The following ZFPM1 variants were observed in gnomAD, a reference collection of about 807,000 sequenced individuals.
The protein encoded by ZFPM1 is zinc finger protein, FOG family member 1, also known as zinc finger protein ZFPM1.
In ZFPM1, 28 loss-of-function variants were observed where a neutral mutation model predicts 46.3. That is an observed-to-expected ratio of 0.60 (90% CI 0.45 to 0.83). The LOEUF is 0.83. ZFPM1 is among the 40% of genes least tolerant of loss of function. ZFPM1 has a pLI of 0.00. For missense variants in ZFPM1, 1,878 were observed against 1,432.4 expected, an observed-to-expected ratio of 1.31 and a Z score of -5.02; for synonymous variants, 957 against 675.9, an observed-to-expected ratio of 1.42 and a Z score of -6.45.
At chr16:88,529,810 C>T (rs1157260239) in intron 6 of ZFPM1, among the ~76,000 whole-genome samples, 3 of 152,202 alleles carry the variant, frequency 2.0e-5, no homozygotes, top group Admixed American at 6.5e-5. Context: ...AGAGAGGAGG[C>T]CTGCACAGGG....
At chr16:88,479,854 T>A (rs894209123) in intron 1 of ZFPM1, among the ~76,000 whole-genome samples, 1 of 12,050 alleles carries the variant, frequency 8.3e-5, no homozygotes, top group Non-Finnish European at 1.7e-4. Flanking sequence ...CGTCCCTCCC[T>A]CCCCCCCGCT....
chr16:88,459,415 A>G (rs188506351), intron 1 of ZFPM1, among the ~76,000 whole-genome samples: 1 of 152,240 alleles, frequency 6.6e-6, no homozygotes, highest in Non-Finnish European at 1.5e-5. Context: ...CCGTTTTCCC[A>G]TCTGCAAAGT....
chr16:88,466,348 C>T (rs995862907), intron 1 of ZFPM1, among the ~76,000 whole-genome samples: 1 of 152,208 alleles, frequency 6.6e-6, no homozygotes, highest in African/African-American at 2.4e-5. Context: ...GAACTGAAGG[C>T]TCAGCGAGGT....
At chr16:88,491,091 C>CGCTGGTGCCTTCGCCGGTCCCGGTCAGGT (rs369643406) in intron 3 of ZFPM1, among the ~76,000 whole-genome samples, 3,102 of 150,738 alleles carry the variant, frequency 0.021, 60 homozygotes, top group South Asian at 0.079. Flanking sequence ...CCCAGTCAGG[C>CGCTGGTGCCTTCGCCGGTCCCGGTCAGGT]GCTGGTGCCT....
At chr16:88,461,210 GGGGCGGGAGGCCTGGTGAGGACCC>G (rs1907863397) in intron 1 of ZFPM1, among the ~76,000 whole-genome samples, 1 of 112,508 alleles carries the variant, frequency 8.9e-6, no homozygotes, top group Admixed American at 8.6e-5. Flanking sequence ...TGAGGACCCA[GGGGCGGGAGGCCTGGTGAGGACCC>G]AGGGGTGGGG....
At chr16:88,459,733 CT>C (rs1397705157) in intron 1 of ZFPM1, among the ~76,000 whole-genome samples, 5 of 86,982 alleles carry the variant, frequency 5.7e-5, no homozygotes, top group Admixed American at 1.0e-4. Context: ...CCTCCTCCCC[CT>C]CTTCCTCCTC....
chr16:88,492,687 T>A (rs547763283), intron 3 of ZFPM1, among the ~76,000 whole-genome samples: 1 of 152,198 alleles, frequency 6.6e-6, no homozygotes, highest in African/African-American at 2.4e-5. Context: ...AGGTGGACGG[T>A]GTTAGCCCGG....
intron 3 of ZFPM1, among the ~76,000 whole-genome samples, chr16:88,494,889 G>A (rs1045512195): frequency 5.3e-5 from 8 of 152,322 alleles, no homozygotes; most frequent in African/African-American, 1.7e-4. Context: ...CCACCAGCCC[G>A]GATGCGAAGG....
At chr16:88,522,921 C>T (rs976003969) in intron 4 of ZFPM1, among the ~76,000 whole-genome samples, 1 of 152,172 alleles carries the variant, frequency 6.6e-6, no homozygotes. Flanking sequence ...GGCCCCCTCC[C>T]AAGGCCAGGC....
Position 88,471,863 on chromosome 16 carries a change from G to A in ZFPM1, c.41-14076G>A, listed in dbSNP as rs1183555433. ...GGGCTGGGAGGGCTCTGGGCCTCCG[G>A]CTGGCTGTGCACCATGTTCCACTGG... On this transcript the variant is annotated intron_variant, in intron 1 of 9. Transcript: ENST00000319555. This position sits in a 1 kb window ranked among gnomAD's most constrained non-coding sequence, Gnocchi z 4.1. Among the ~76,000 whole-genome samples, 1 of 152,262 alleles carries A rather than the reference G, an allele frequency of 6.6e-6. No individual in the cohort carries two copies. Among genetic ancestry groups the A allele is most frequent in the Non-Finnish European group, 1.5e-5 (1 of 68,050 alleles).
rs767820791 is a variant in ZFPM1 at position 88,511,512 on chromosome 16, G to A, written c.269-2875G>A. 3.1e-4 allele frequency among the ~76,000 whole-genome samples: 47 copies of A among 152,128 alleles called. 1 individual carries two copies. The highest frequency in any genetic ancestry group is 6.8e-3 in the Middle Eastern group (2 of 294). On this transcript the variant is annotated intron_variant, in intron 3 of 9. Coordinates refer to ENST00000319555, the MANE Select transcript of ZFPM1 (RefSeq NM_153813.3). ...ATTCCCACCCAGCTCAGCATCCCCC[G>A]GCCCTAGGCTCCAGGCCCCTCACCC...
At chr16:88,491,075 G>A (rs1215790724) in intron 3 of ZFPM1, among the ~76,000 whole-genome samples, 2 of 151,964 alleles carry the variant, frequency 1.3e-5, no homozygotes, top group East Asian at 3.9e-4. Flanking sequence ...TGGTGCCTTC[G>A]CGGGTCCCAG....
intron 3 of ZFPM1, among the ~76,000 whole-genome samples, chr16:88,491,644 C>T (rs773612657): frequency 7.9e-5 from 12 of 152,254 alleles, no homozygotes; most frequent in Non-Finnish European, 1.0e-4. Flanking sequence ...TGGAGCCTGG[C>T]GCCGGGAAGG....
chr16:88,466,998 G>A (rs995738065), intron 1 of ZFPM1, among the ~76,000 whole-genome samples: 5 of 152,082 alleles, frequency 3.3e-5, no homozygotes, highest in African/African-American at 7.2e-5. Context: ...GAGCCGGGGC[G>A]AGGGTCCCTG....
Position 88,533,436 on chromosome 16 carries a change from G to C in ZFPM1, c.1478G>C (p.Arg493Pro). ...PQAPSRTPSP[R>P]SPAPARVKAE... is the part of the protein sequence containing the mutation. The stretch of plus-strand genomic sequence containing the variant: ...GCCCCGTCGCGGACGCCGTCGCCGC[G>C]CAGCCCCGCCCCGGCCAGGGTCAAG... The change falls in exon 10 of 10, where the codon CGC becomes CCC. Residue 493 changes from arginine (R) to proline (P), a missense_variant. Transcript: ENST00000319555. 5.5e-6 allele frequency: 8 copies of C among 1,460,740 alleles called. No homozygotes were observed. The highest frequency in any genetic ancestry group is 7.2e-6 in the Non-Finnish European group (8 of 1,115,830). The allele number at this position is 1,460,740 out of a possible 1,614,324, so 90.5% of individuals were successfully genotyped here.
intron 3 of ZFPM1, among the ~76,000 whole-genome samples, chr16:88,508,609 G>A (rs1273365569): frequency 6.6e-6 from 1 of 152,256 alleles, no homozygotes; most frequent in Non-Finnish European, 1.5e-5. Flanking sequence ...CCTGGTTGGT[G>A]AATCCTGGGA....
intron 1 of ZFPM1, among the ~76,000 whole-genome samples, chr16:88,467,092 C>T (rs759904433): frequency 5.9e-5 from 9 of 152,174 alleles, no homozygotes; most frequent in South Asian, 4.1e-4. Context: ...CACGGTTTTC[C>T]GCCAACGGCT....
rs1313275984 is a variant in ZFPM1 at position 88,532,933 on chromosome 16, C to T, written c.1187C>T (p.Pro396Leu). Residue 396 changes from proline (P) to leucine (L), a missense_variant and splice_region_variant, in exon 9 of 10, where the codon CCA (proline) becomes CTA (leucine). By Grantham distance (98) the Pro-to-Leu change is moderately conservative. Transcript: ENST00000319555. Reference sequence around the variant, plus strand: ...GGACACCCAGCAACCAAGCTGCCCCCAGGTGAGCAGCCCTGTGGGGGCCAC... The same window carrying T: ...GGACACCCAGCAACCAAGCTGCCCCTAGGTGAGCAGCCCTGTGGGGGCCAC... ...GAGHPATKLP[P>L]DSLGSFQQQH... 6.2e-7 allele frequency: 1 copy of T among 1,612,966 alleles called. No individual in the cohort carries two copies. The highest frequency in any genetic ancestry group is 2.2e-5 in the East Asian group (1 of 44,884).
intron 4 of ZFPM1, among the ~76,000 whole-genome samples, chr16:88,523,493 G>A (rs1394839945): frequency 2.0e-5 from 3 of 152,144 alleles, no homozygotes; most frequent in African/African-American, 7.2e-5. Context: ...GGCTTCAGGG[G>A]TCCGGCCACT....
Sources: gnomAD v4.1 joint callset for allele counts (sites outside exome capture counted in the v4.1 genomes callset) on GRCh38, gnomAD v4.1.1 for gene constraint, Gnocchi (gnomAD v3.1) non-coding constraint, MANE v1.5 for transcripts, NCBI Gene and HGNC (gene_info 2026-07-23, HGNC 2026-07-21) for gene names.